The following DYDC1 variants were observed in gnomAD, a reference collection of about 807,000 sequenced individuals.
DYDC1 encodes the protein DPY30 domain-containing protein 1.
Under a neutral mutation model 27.9 loss-of-function variants are expected in DYDC1, and 21 were observed. That is an observed-to-expected ratio of 0.75 (90% CI 0.53 to 1.08). DYDC1 has a LOEUF of 1.08. DYDC1 is among the 50% of genes least tolerant of loss of function. DYDC1 has a pLI of 0.00. For missense variants in DYDC1, 202 were observed against 205.9 expected, an observed-to-expected ratio of 0.98 and a Z score of 0.12; for synonymous variants, 67 against 65.8, an observed-to-expected ratio of 1.02 and a Z score of -0.09.
chr10:80,349,190 C>T (rs12146240), intron 3 of DYDC1, among the ~76,000 whole-genome samples: 3,288 of 152,294 alleles, frequency 0.022, 53 homozygotes, highest in South Asian at 0.037. Context: ...CGCGCCCGGC[C>T]CGCAGATAAA....
At chr10:80,336,411 C>T in intron 6 of DYDC1, 1 of 928,462 alleles carries the variant, frequency 1.1e-6, no homozygotes, top group Non-Finnish European at 1.3e-6. Flanking sequence ...TATGCATTCT[C>T]ATCCTTCTTG....
At chr10:80,355,106 A>G (rs1843279089) in intron 1 of DYDC1, among the ~76,000 whole-genome samples, 1 of 151,730 alleles carries the variant, frequency 6.6e-6, no homozygotes, top group Admixed American at 6.6e-5. Flanking sequence ...GAAAAAAAAA[A>G]ACAGTAAAAT....
chr10:80,355,983 A>G (rs1475663181), intron 1 of DYDC1, among the ~76,000 whole-genome samples: 1 of 143,880 alleles, frequency 7.0e-6, no homozygotes, highest in Non-Finnish European at 1.5e-5. Flanking sequence ...TTTGAAGTGA[A>G]GTTAAAAAAA....
At position 80,338,575 on chromosome 10, in the gene DYDC1, C is replaced by A; in HGVS notation, c.400-4G>T. The A allele has an allele frequency of 6.5e-7, 1 of 1,531,620 alleles. No homozygotes were observed. The highest frequency in any genetic ancestry group is 8.7e-7 in the Non-Finnish European group (1 of 1,145,164). 94.9% of individuals were successfully genotyped at this position (1,531,620 alleles called of 1,614,324 possible). A position where few individuals can be genotyped will look rare whatever the true frequency, so the allele number is the denominator to read the frequency against. ...TGCCTGAGTCTAGTGTTGCTTCCTA[C>A]AATCAAAAAATTGATTTTTACTTTT... is the stretch of plus-strand genomic sequence containing the variant. On this transcript the variant is annotated splice_polypyrimidine_tract_variant and splice_region_variant and intron_variant, in intron 5 of 6. Transcript: ENST00000372202.
intron 6 of DYDC1, chr10:80,337,134 T>C (rs369602230): frequency 9.1e-6 from 9 of 985,370 alleles, no homozygotes; most frequent in Admixed American, 1.2e-4. Context: ...AGCATTTTGC[T>C]GTCTCTTTCC....
At chr10:80,338,048 T>A (rs1023658847) in intron 6 of DYDC1, 1 of 980,856 alleles carries the variant, frequency 1.0e-6, no homozygotes. Flanking sequence ...GTGCCTGGCA[T>A]ATGGAAGATG....
chr10:80,350,312 G>A (rs1466375837), intron 3 of DYDC1, among the ~76,000 whole-genome samples: 1 of 152,230 alleles, frequency 6.6e-6, no homozygotes, highest in East Asian at 1.9e-4. Flanking sequence ...GAGCCGAAGA[G>A]AGTTATGTAT....
intron 4 of DYDC1, among the ~76,000 whole-genome samples, chr10:80,341,442 CAAAAA>C (rs58419721): frequency 8.5e-5 from 4 of 46,800 alleles, no homozygotes; most frequent in Non-Finnish European, 1.3e-4. Context: ...GACTCTGTCT[CAAAAA>C]AAAAAAAAAA....
chr10:80,349,434 C>T (rs1842857738), intron 3 of DYDC1, among the ~76,000 whole-genome samples: 1 of 152,048 alleles, frequency 6.6e-6, no homozygotes. Flanking sequence ...TCAAATTTGC[C>T]TCTTGGCCTG....
chr10:80,352,636 C>A (rs369184584), intron 1 of DYDC1, 26 bp from the exon 2 acceptor site: 8 of 1,586,464 alleles, frequency 5.0e-6, no homozygotes, highest in African/African-American at 1.4e-5. Flanking sequence ...TTTTGCATTA[C>A]TGCAGGATAT....
At chr10:80,341,540 C>A (rs1183289564) in intron 4 of DYDC1, among the ~76,000 whole-genome samples, 1 of 148,972 alleles carries the variant, frequency 6.7e-6, no homozygotes. Context: ...AATGTAAATT[C>A]TTGTTGTTAA....
chr10:80,342,929 C>T (rs918777933), intron 3 of DYDC1, among the ~76,000 whole-genome samples: 2 of 140,708 alleles, frequency 1.4e-5, no homozygotes, highest in Non-Finnish European at 3.0e-5. Flanking sequence ...TGCAGTGAGC[C>T]GAGATTGTGC....
chr10:80,355,871 AAAG>A (rs1231586981), intron 1 of DYDC1, among the ~76,000 whole-genome samples: 1 of 152,152 alleles, frequency 6.6e-6, no homozygotes, highest in Admixed American at 6.5e-5. Context: ...CATACAGAGA[AAAG>A]AATTATTACA....
intron 3 of DYDC1, among the ~76,000 whole-genome samples, chr10:80,347,282 T>TCC (rs1842717324): frequency 3.8e-5 from 1 of 26,512 alleles, no homozygotes; most frequent in African/African-American, 2.0e-4. Context: ...GATCCTTTTT[T>TCC]TTTTTTTTTT....
chr10:80,345,762 C>T (rs1160614934), intron 3 of DYDC1, among the ~76,000 whole-genome samples: 1 of 152,056 alleles, frequency 6.6e-6, no homozygotes, highest in African/African-American at 2.4e-5. Flanking sequence ...AATGGCAGGA[C>T]CTACTTCTTT....
intron 6 of DYDC1, among the ~76,000 whole-genome samples, chr10:80,336,751 A>G (rs1842146743): frequency 6.6e-6 from 1 of 152,214 alleles, no homozygotes; most frequent in Non-Finnish European, 1.5e-5. Context: ...CAGTAGCCCA[A>G]GGAAGACATT....
intron 1 of DYDC1, among the ~76,000 whole-genome samples, chr10:80,354,144 A>AT (rs1324273411): frequency 1.3e-5 from 2 of 148,644 alleles, no homozygotes; most frequent in Non-Finnish European, 3.0e-5. Context: ...ATATATATAT[A>AT]TTTTTTCCTG....
intron 4 of DYDC1, among the ~76,000 whole-genome samples, chr10:80,340,460 C>G (rs1842282031): frequency 2.6e-5 from 4 of 152,270 alleles, no homozygotes; most frequent in Admixed American, 2.6e-4. Flanking sequence ...GTTATTCTGG[C>G]AGTGGTCACA....
intron 3 of DYDC1, among the ~76,000 whole-genome samples, chr10:80,346,589 T>C (rs919192281): frequency 1.3e-5 from 2 of 151,468 alleles, no homozygotes; most frequent in African/African-American, 4.9e-5. Context: ...GCCTCCTGAG[T>C]AGCTGGGACT....
Sources: gnomAD v4.1 joint callset for allele counts (sites outside exome capture counted in the v4.1 genomes callset) on GRCh38, gnomAD v4.1.1 for gene constraint, MANE v1.5 for transcripts, NCBI Gene and HGNC (gene_info 2026-07-23, HGNC 2026-07-21) for gene names.